ADCYAP1R1: variants seen among roughly 807,000 people sequenced by gnomAD.
ADCYAP1R1 encodes the protein ADCYAP receptor type I.
ADCYAP1R1 carries 44 observed loss-of-function variants against 67.6 expected under a neutral mutation model. The observed-to-expected ratio is 0.65, with a 90% CI of 0.51 to 0.84. The LOEUF (loss-of-function observed/expected upper bound fraction) is 0.84, where lower values mean the gene tolerates loss of function less well. Among genes scored for constraint, ADCYAP1R1 ranks in the 40% least tolerant of loss-of-function variants. ADCYAP1R1 has a pLI of 0.00. For missense variants in ADCYAP1R1, 477 were observed against 587.9 expected, an observed-to-expected ratio of 0.81 and a Z score of 1.95; for synonymous variants, 222 against 219.6, an observed-to-expected ratio of 1.01 and a Z score of -0.10.
intron 13 of ADCYAP1R1, among the ~76,000 whole-genome samples, chr7:31,093,773 A>C (rs920713367): frequency 6.6e-6 from 1 of 152,122 alleles, no homozygotes; most frequent in Non-Finnish European, 1.5e-5. Context: ...TCCTGCCTTC[A>C]TCAGAGACCC....
rs545313894 is a variant in ADCYAP1R1 at position 31,092,478 on chromosome 7, A to G, written c.955-166A>G. On this transcript the variant is annotated intron_variant, in intron 12 of 15. Coordinates refer to ENST00000304166, the MANE Select transcript of ADCYAP1R1 (RefSeq NM_001118.5). ...TTCTTCTATCTCTTCCTTCATTTTAATGATACTGTGGGAGGCTGGAGAGAT... is the reference window on the plus strand; with the variant it reads ...TTCTTCTATCTCTTCCTTCATTTTAGTGATACTGTGGGAGGCTGGAGAGAT... Among the ~76,000 whole-genome samples the G allele has an allele frequency of 2.6e-5, 4 of 151,920 alleles. No homozygotes were observed. The East Asian group carries it at 7.8e-4, about 29-fold the overall frequency.
chr7:31,052,878 T>C (rs1794075879), intron 1 of ADCYAP1R1, among the ~76,000 whole-genome samples, 200 bp downstream of exon 1: 1 of 152,072 alleles, frequency 6.6e-6, no homozygotes, highest in Admixed American at 6.5e-5. Flanking sequence ...CTCCCGCCGC[T>C]GCGCCCTTCC....
chr7:31,110,140 C>CT lies in ADCYAP1R1; in HGVS notation c.*3471dup, dbSNP rs796974683. 503 of 128,432 alleles carry CT rather than the reference C, an allele frequency of 3.9e-3. 2 individuals are homozygous for CT. Among genetic ancestry groups the CT allele is most frequent in the African/African-American group, 7.0e-3 (232 of 33,004 alleles). The allele number at this position is 128,432 out of a possible 1,614,324, so 8.0% of individuals were successfully genotyped here. A position where few individuals can be genotyped will look rare whatever the true frequency, so the allele number is the denominator to read the frequency against. ...TCAAAGGGACTCTCTCTCTCTCTCTCTTTTTTTTTTTTTTTGAGTAGTACC... is the reference window on the plus strand; with the variant it reads ...TCAAAGGGACTCTCTCTCTCTCTCTCTTTTTTTTTTTTTTTTGAGTAGTACC... On this transcript the variant is annotated 3_prime_UTR_variant, in exon 16 of 16. Transcript: ENST00000304166.
chr7:31,095,098 A>G (rs896491364), intron 13 of ADCYAP1R1, among the ~76,000 whole-genome samples: 1 of 152,180 alleles, frequency 6.6e-6, no homozygotes, highest in African/African-American at 2.4e-5. Flanking sequence ...AATTGACCAC[A>G]CTGCTAAGAA....
At position 31,102,785 on chromosome 7, in the gene ADCYAP1R1, G is replaced by A. The variant is rs1023345090; in HGVS notation, c.1047-452G>A. ...TGGTGAGTGTCCCGGCTAGCCCCAG[G>A]CTCCAAAAAGCCAACTGTCTCTGTG... On this transcript the variant is annotated intron_variant, in intron 13 of 15. Transcript: ENST00000304166. The surrounding 1 kb of genome is among the most constrained non-coding windows in gnomAD (Gnocchi z 4.3). Among the ~76,000 whole-genome samples, 8 of 152,000 alleles carry A rather than the reference G, an allele frequency of 5.3e-5. No homozygotes were observed. The highest frequency in any genetic ancestry group is 9.7e-5 in the African/African-American group (4 of 41,378).
intron 6 of ADCYAP1R1, among the ~76,000 whole-genome samples, chr7:31,082,398 G>T: frequency 6.6e-6 from 1 of 152,066 alleles, no homozygotes; most frequent in Non-Finnish European, 1.5e-5. Context: ...GAACAAAAGG[G>T]TTTATACTTC....
chr7:31,076,596 G>A (rs892666643), intron 3 of ADCYAP1R1, among the ~76,000 whole-genome samples: 3 of 152,176 alleles, frequency 2.0e-5, no homozygotes, highest in African/African-American at 4.8e-5. Flanking sequence ...GATGCTGTGG[G>A]GGGCCTCTGC....
chr7:31,085,226 G>A (rs969887804), intron 8 of ADCYAP1R1, 84 bp from the exon 9 acceptor site: 2 of 1,535,668 alleles, frequency 1.3e-6, no homozygotes, highest in East Asian at 4.5e-5. Context: ...AAGCCACAGA[G>A]TTGGCCCACC....
chr7:31,064,694 C>T, intron 2 of ADCYAP1R1, 137 bp from the exon 3 acceptor site: 1 of 674,470 alleles, frequency 1.5e-6, no homozygotes. Flanking sequence ...CCCCTGCTGG[C>T]CCTGACATCT....
At chr7:31,056,990 C>G (rs1184742262) in intron 1 of ADCYAP1R1, 1 of 152,296 alleles carries the variant, frequency 6.6e-6, no homozygotes, top group African/African-American at 2.4e-5. Flanking sequence ...GGCACACGCA[C>G]GTCAGAGCTG....
At chr7:31,093,737 C>CA (rs1401225260) in intron 13 of ADCYAP1R1, among the ~76,000 whole-genome samples, 1 of 152,152 alleles carries the variant, frequency 6.6e-6, no homozygotes, top group African/African-American at 2.4e-5. Context: ...GAGGTATCTT[C>CA]ACTGGGTGCC....
chr7:31,095,610 A>G lies in ADCYAP1R1; in HGVS notation c.1046+2875A>G, dbSNP rs550387157. The stretch of plus-strand genomic sequence containing the variant: ...GGTACCAGAGTTATGTGTGGGGCCA[A>G]GAAGCCCCTTCAGATCTGCCCACAA... On this transcript the variant is annotated intron_variant, in intron 13 of 15. Coordinates refer to ENST00000304166, the MANE Select transcript of ADCYAP1R1 (RefSeq NM_001118.5). 1.6e-4 allele frequency: 112 copies of G among 716,734 alleles called. No individual in the cohort carries two copies. The African/African-American group carries it at 1.8e-3, about 12-fold the overall frequency. 44.4% of individuals were successfully genotyped at this position (716,734 alleles called of 1,614,324 possible).
intron 4 of ADCYAP1R1, among the ~76,000 whole-genome samples, chr7:31,080,100 G>C (rs897021784): frequency 2.6e-5 from 4 of 152,234 alleles, no homozygotes; most frequent in Non-Finnish European, 4.4e-5. Context: ...AAGGCAAAAT[G>C]AATCAATGGT....
In ADCYAP1R1 at chr7:31,102,236, G is replaced by A. The variant is rs1796468544; in HGVS notation, c.1047-1001G>A. 1.3e-5 allele frequency among the ~76,000 whole-genome samples: 2 copies of A among 152,252 alleles called. No homozygotes were observed. The highest frequency in any genetic ancestry group is 4.1e-4 in the South Asian group (2 of 4,836). On this transcript the variant is annotated intron_variant, in intron 13 of 15. Coordinates refer to ENST00000304166, the MANE Select transcript of ADCYAP1R1 (RefSeq NM_001118.5). This position sits in a 1 kb window ranked among gnomAD's most constrained non-coding sequence, Gnocchi z 4.3. The stretch of plus-strand genomic sequence containing the variant: ...GGGACTTAGCTGTGCTGGGAGATGG[G>A]GAGGCTGATCCTCTGGAGGAGATGG...
At chr7:31,085,921 G>A (rs954830246) in intron 9 of ADCYAP1R1, among the ~76,000 whole-genome samples, 1 of 152,230 alleles carries the variant, frequency 6.6e-6, no homozygotes, top group Non-Finnish European at 1.5e-5. Flanking sequence ...AGGAAGAAGA[G>A]TGTAAAGTCC....
rs1486964973 is a variant in ADCYAP1R1 at position 31,102,949 on chromosome 7, G to A, written c.1047-288G>A. On this transcript the variant is annotated intron_variant, in intron 13 of 15. Coordinates refer to ENST00000304166, the MANE Select transcript of ADCYAP1R1 (RefSeq NM_001118.5). The surrounding 1 kb of genome is among the most constrained non-coding windows in gnomAD (Gnocchi z 4.3). Reference sequence around the variant, plus strand: ...GTTTTGCCCTGACTTTGCTTTTCCAGAAGGTTTTGCACGTCACCCAAGGGG... The same window carrying A: ...GTTTTGCCCTGACTTTGCTTTTCCAAAAGGTTTTGCACGTCACCCAAGGGG... Among the ~76,000 whole-genome samples, 1 of 152,212 alleles carries A rather than the reference G, an allele frequency of 6.6e-6. No individual in the cohort carries two copies. Among genetic ancestry groups the A allele is most frequent in the African/African-American group, 2.4e-5 (1 of 41,452 alleles).
chr7:31,068,119 T>C (rs561912086), intron 3 of ADCYAP1R1, among the ~76,000 whole-genome samples: 5 of 152,038 alleles, frequency 3.3e-5, no homozygotes, highest in Admixed American at 2.0e-4. Flanking sequence ...AAGGGAGCAG[T>C]GAGTAAGGTG....
At position 31,103,277 on chromosome 7, in the gene ADCYAP1R1, G is replaced by A. The variant is rs1299715981; in HGVS notation, c.1087G>A (p.Gly363Arg). The A allele has an allele frequency of 4.3e-6, 7 of 1,614,102 alleles. No homozygotes were observed. Among genetic ancestry groups the A allele is most frequent in the East Asian group, 2.2e-5 (1 of 44,876 alleles). Reference protein sequence around the residue: ...RSTLLLIPLFGIHYTVFAFSP... With the variant: ...RSTLLLIPLFRIHYTVFAFSP... ...CACCCTGCTGCTCATCCCACTATTC[G>A]GAATCCACTACACAGTATTTGCCTT... The change falls in exon 14 of 16, where the codon GGA becomes AGA. Residue 363 changes from glycine (G) to arginine (R), a missense_variant. Gly to Arg is a moderately radical substitution (Grantham distance 125). Coordinates refer to ENST00000304166, the MANE Select transcript of ADCYAP1R1 (RefSeq NM_001118.5).
intron 2 of ADCYAP1R1, 52 bp downstream of exon 2, chr7:31,063,367 GCTCCAGAGAA>G (rs1422137814): frequency 1.2e-6 from 2 of 1,600,738 alleles, no homozygotes; most frequent in Non-Finnish European, 1.7e-6. Flanking sequence ...CTGAGTCCCC[GCTCCAGAGAA>G]CTCATGTTTT....
Sources: allele counts gnomAD v4.1 joint callset (sites outside exome capture counted in the v4.1 genomes callset), GRCh38; gene constraint gnomAD v4.1.1; non-coding constraint Gnocchi (gnomAD v3.1); transcripts MANE v1.5; gene names NCBI Gene and HGNC (gene_info 2026-07-23, HGNC 2026-07-21).